The following ESRRG variants were observed in gnomAD, a reference collection of about 807,000 sequenced individuals.
ESRRG encodes estrogen-related receptor gamma.
ESRRG carries 13 observed loss-of-function variants against 44.0 expected under a neutral mutation model. The observed-to-expected ratio is 0.30, with a 90% confidence interval of 0.19 to 0.47. The LOEUF is 0.47. Among genes scored for constraint, ESRRG ranks in the 20% least tolerant of loss-of-function variants. ESRRG has a pLI of 1.00. For missense variants in ESRRG, 395 were observed against 580.6 expected (o/e 0.68, Z 3.29); for synonymous variants, 215 against 214.6 (o/e 1.00, Z -0.02).
At chr1:216,516,668 C>CACACACACACACACACACACACAGAG (rs376701865) in intron 6 of ESRRG, among the ~76,000 whole-genome samples, 12 of 137,166 alleles carry the variant, frequency 8.7e-5, no homozygotes, top group African/African-American at 2.6e-4. Flanking sequence ...CACACACACA[C>CACACACACACACACACACACACAGAG]AGAGAGAGAG....
At chr1:216,990,948 C>G (rs2075593719) in intron 1 of ESRRG, among the ~76,000 whole-genome samples, 1 of 152,010 alleles carries the variant, frequency 6.6e-6, no homozygotes, top group Non-Finnish European at 1.5e-5. Flanking sequence ...TGCCCCCCAA[C>G]CCCACCCCAT....
At chr1:217,084,844 G>C (rs569089472) in intron 1 of ESRRG, among the ~76,000 whole-genome samples, 26 of 152,050 alleles carry the variant, frequency 1.7e-4, no homozygotes, top group Non-Finnish European at 3.1e-4. Flanking sequence ...CCTTTTTTGT[G>C]TGTGTGATAA....
chr1:216,806,689 C>T (rs903870084), intron 2 of ESRRG, among the ~76,000 whole-genome samples: 2 of 152,082 alleles, frequency 1.3e-5, no homozygotes, highest in South Asian at 2.1e-4. Flanking sequence ...AATTAAGTAT[C>T]GGGTAAAACT....
intron 1 of ESRRG, among the ~76,000 whole-genome samples, chr1:217,128,731 CT>C (rs2102527114): frequency 6.6e-6 from 1 of 152,314 alleles, no homozygotes; most frequent in South Asian, 2.1e-4. Flanking sequence ...ACAGCAATAA[CT>C]TTACATACTC....
In ESRRG at chr1:216,987,438, G is replaced by C. The variant is rs375858479; in HGVS notation, c.-105-47765C>G. Among the ~76,000 whole-genome samples the C allele has an allele frequency of 2.0e-5, 3 of 152,150 alleles. No individual in the cohort carries two copies. In the East Asian group the frequency reaches 5.8e-4, roughly 29 times the overall value. ...TAGAAATGTCTTTCTCATACTGAAC[G>C]TTTGGGATGTCTGAATGTGTGTGTA... On this transcript the variant is annotated intron_variant, in intron 1 of 7. Coordinates refer to the ESRRG transcript ENST00000359162.
chr1:216,767,914 C>G (rs1440117084), intron 2 of ESRRG, among the ~76,000 whole-genome samples: 1 of 152,080 alleles, frequency 6.6e-6, no homozygotes, highest in Non-Finnish European at 1.5e-5. Flanking sequence ...CATTAGGAAG[C>G]TATAGCTGAG....
chr1:217,006,170 T>C (rs1030996674), intron 1 of ESRRG, among the ~76,000 whole-genome samples: 1 of 152,094 alleles, frequency 6.6e-6, no homozygotes, highest in Non-Finnish European at 1.5e-5. Context: ...AAAATAAACA[T>C]ACACTCAATG....
upstream of ESRRG, among the ~76,000 whole-genome samples, chr1:216,728,341 A>G (rs546093898): frequency 6.6e-6 from 1 of 152,174 alleles, no homozygotes; most frequent in Non-Finnish European, 1.5e-5. Context: ...AAATATTCCT[A>G]TAGAAAGAGT....
intron 2 of ESRRG, among the ~76,000 whole-genome samples, chr1:216,920,377 T>G (rs1421108792): frequency 7.5e-6 from 1 of 132,958 alleles, no homozygotes. Context: ...TGTGTGAATG[T>G]ATGGGAGTGT....
chr1:216,822,605 A>T (rs1445355350), intron 2 of ESRRG, among the ~76,000 whole-genome samples: 1 of 152,194 alleles, frequency 6.6e-6, no homozygotes, highest in Non-Finnish European at 1.5e-5. Flanking sequence ...TGAATTAGGC[A>T]GGTGTGTGGA....
intron 1 of ESRRG, among the ~76,000 whole-genome samples, chr1:216,942,258 T>C (rs2065361928): frequency 1.3e-5 from 2 of 152,208 alleles, no homozygotes; most frequent in African/African-American, 4.8e-5. Flanking sequence ...TTCTTTTTTA[T>C]GGCTGCATGG....
intron 3 of ESRRG, among the ~76,000 whole-genome samples, chr1:216,588,938 G>A (rs140247191): frequency 0.012 from 1,778 of 152,220 alleles, 37 homozygotes; most frequent in African/African-American, 0.04. Flanking sequence ...CACCAAGTGT[G>A]TATCATTAAT....
chr1:216,865,925 T>C (rs1297232438), intron 2 of ESRRG, among the ~76,000 whole-genome samples: 1 of 152,212 alleles, frequency 6.6e-6, no homozygotes, highest in Non-Finnish European at 1.5e-5. Flanking sequence ...CTTAACGCTT[T>C]ATAGTAGTGC....
intron 1 of ESRRG, among the ~76,000 whole-genome samples, chr1:217,103,522 T>C (rs1051784603): frequency 6.7e-6 from 1 of 149,560 alleles, no homozygotes; most frequent in African/African-American, 2.5e-5. Context: ...CCAAGCATGG[T>C]GGCATGTGCT....
At chr1:216,598,845 A>C (rs143435551) in intron 3 of ESRRG, among the ~76,000 whole-genome samples, 1 of 152,220 alleles carries the variant, frequency 6.6e-6, no homozygotes, top group East Asian at 1.9e-4. Context: ...AATTAATTTA[A>C]TGCCTACTGT....
At chr1:216,721,172 T>A (rs1201891415) in intron 1 of ESRRG, among the ~76,000 whole-genome samples, 1 of 152,224 alleles carries the variant, frequency 6.6e-6, no homozygotes, top group Non-Finnish European at 1.5e-5. Context: ...AATACATAGT[T>A]AGAGGTTAAC....
chr1:216,713,822 C>G (rs189484500), intron 1 of ESRRG, among the ~76,000 whole-genome samples: 2 of 152,276 alleles, frequency 1.3e-5, no homozygotes, highest in Admixed American at 1.3e-4. Context: ...ACAGTGTTGG[C>G]ATTTTACTTC....
At chr1:216,714,172 C>G (rs972446306) in intron 1 of ESRRG, among the ~76,000 whole-genome samples, 1 of 152,114 alleles carries the variant, frequency 6.6e-6, no homozygotes, top group Non-Finnish European at 1.5e-5. Context: ...AAGCACTCAA[C>G]TAGAATGCAC....
Position 217,026,910 on chromosome 1 carries a change from C to CAGAGAGAGAGAGAGAGAGAGAGAGAG in ESRRG, c.-106+62596_-106+62597insCTCTCTCTCTCTCTCTCTCTCTCTCT, listed in dbSNP as rs1414926581. On this transcript the variant is annotated intron_variant, in intron 1 of 7. Coordinates refer to the ESRRG transcript ENST00000359162. ...ACATACACACACACACACACACACACACAGAGAGAGAGAGAGAGAGAGAGA... is the reference window on the plus strand; with the variant it reads ...ACATACACACACACACACACACACACAGAGAGAGAGAGAGAGAGAGAGAGAGACAGAGAGAGAGAGAGAGAGAGAGA... 4.1e-5 allele frequency among the ~76,000 whole-genome samples: 4 copies of CAGAGAGAGAGAGAGAGAGAGAGAGAG among 97,190 alleles called. 1 individual carries two copies. The highest frequency in any genetic ancestry group is 1.6e-4 in the African/African-American group (4 of 25,092). 63.8% of individuals were successfully genotyped at this position (97,190 alleles called of 152,430 possible).
Sources: allele counts gnomAD v4.1 joint callset (sites outside exome capture counted in the v4.1 genomes callset), GRCh38; gene constraint gnomAD v4.1.1; transcripts MANE v1.5; gene names NCBI Gene and HGNC (gene_info 2026-07-23, HGNC 2026-07-21).